Variants in TANGO6 observed in about 807,000 individuals in gnomAD.
TANGO6 encodes the protein transport and Golgi organization protein 6 homolog.
A neutral mutation model predicts 114.2 loss-of-function variants in TANGO6; 90 were observed. That is an observed-to-expected ratio of 0.79 (90% CI 0.66 to 0.94). The LOEUF is 0.94. TANGO6 is among the 40% of genes least tolerant of loss of function. The probability of loss-of-function intolerance (pLI) is 0.00; values close to 1 mark genes in which losing one functional copy is unlikely to be tolerated. For missense variants in TANGO6, 1,274 were observed against 1,315.3 expected (o/e 0.97, Z 0.49); for synonymous variants, 477 against 509.8 (o/e 0.94, Z 0.87).
rs145226838 is a variant in TANGO6, at chr16:69,070,746, A to ATATTATTATTAT, written c.3109-12710_3109-12699dup. 1.0e-3 allele frequency among the ~76,000 whole-genome samples: 147 copies of ATATTATTATTAT among 141,742 alleles called. 1 individual carries two copies. The highest frequency in any genetic ancestry group is 3.0e-3 in the African/African-American group (118 of 38,696). 93.0% of individuals were successfully genotyped at this position (141,742 alleles called of 152,430 possible). On this transcript the variant is annotated intron_variant, in intron 17 of 17. Coordinates refer to ENST00000261778, the MANE Select transcript of TANGO6 (RefSeq NM_024562.2). ...TAATTGCTATAGTTTGCAAGAATCA[A>ATATTATTATTAT]TATTATTATTATTATTATTATTATT...
intron 12 of TANGO6, among the ~76,000 whole-genome samples, chr16:68,926,724 C>T (rs1211702482): frequency 1.3e-5 from 2 of 151,602 alleles, no homozygotes; most frequent in African/African-American, 4.8e-5. Context: ...GGTGGGGTTT[C>T]GCCATGTTGG....
intron 1 of TANGO6, among the ~76,000 whole-genome samples, chr16:68,855,790 C>T (rs1961980325): frequency 6.6e-6 from 1 of 151,016 alleles, no homozygotes; most frequent in Admixed American, 6.6e-5. Flanking sequence ...GAGGCTGAGG[C>T]AGGAGAATCT....
intron 15 of TANGO6, among the ~76,000 whole-genome samples, chr16:68,993,787 C>T (rs987346785): frequency 6.6e-6 from 1 of 152,108 alleles, no homozygotes; most frequent in African/African-American, 2.4e-5. Context: ...AGACAGTCTC[C>T]GTCATTTAAA....
chr16:69,078,064 A>G (rs117896119), intron 17 of TANGO6, among the ~76,000 whole-genome samples: 4,705 of 152,300 alleles, frequency 0.031, 108 homozygotes, highest in Non-Finnish European at 0.041. Flanking sequence ...GGTTAGGGAA[A>G]GAATCCCGGA....
At position 68,868,310 on chromosome 16, in the gene TANGO6, T is replaced by C. The variant is rs148446116; in HGVS notation, c.994+1090T>C. On this transcript the variant is annotated intron_variant, in intron 4 of 17. Transcript: ENST00000261778. ...TGCTAAGCATGGTAGTAGTTTTTAA[T>C]TTATGTTTTTTATTTTTTAGAGAAA... Among the ~76,000 whole-genome samples, 10 of 152,116 alleles carry C rather than the reference T, an allele frequency of 6.6e-5. No individual in the cohort carries two copies. In the East Asian group the frequency reaches 1.7e-3, roughly 26 times the overall value.
At chr16:69,037,135 CAAAAAAAAA>C (rs1232986110) in intron 16 of TANGO6, among the ~76,000 whole-genome samples, 2 of 45,270 alleles carry the variant, frequency 4.4e-5, no homozygotes, top group Non-Finnish European at 9.0e-5. Context: ...GAGTCCATCT[CAAAAAAAAA>C]AAAAAAAAAA....
At chr16:69,018,115 A>G (rs1293348400) in intron 15 of TANGO6, among the ~76,000 whole-genome samples, 2 of 141,464 alleles carry the variant, frequency 1.4e-5, no homozygotes, top group African/African-American at 5.3e-5. Flanking sequence ...GGTGAGCCAC[A>G]CCATGCCCAG....
intron 14 of TANGO6, among the ~76,000 whole-genome samples, chr16:68,949,208 G>GAAAGAAAT (rs906505552): frequency 1.5e-3 from 227 of 152,278 alleles, no homozygotes; most frequent in African/African-American, 4.9e-3. Flanking sequence ...AAGAAAGAAA[G>GAAAGAAAT]AAGTCAATCC....
intron 15 of TANGO6, among the ~76,000 whole-genome samples, chr16:68,991,203 C>T (rs1419043310): frequency 1.3e-5 from 2 of 152,158 alleles, no homozygotes; most frequent in African/African-American, 2.4e-5. Flanking sequence ...GAGAGCTGAG[C>T]AGAGGAGTCT....
chr16:68,980,776 A>T (rs1038713226), intron 15 of TANGO6, among the ~76,000 whole-genome samples: 58 of 152,132 alleles, frequency 3.8e-4, no homozygotes, highest in Non-Finnish European at 5.9e-5. Flanking sequence ...AGGTGGGCGG[A>T]TCACAAGATC....
At chr16:68,887,180 C>G (rs1179550233) in intron 7 of TANGO6, among the ~76,000 whole-genome samples, 1 of 152,196 alleles carries the variant, frequency 6.6e-6, no homozygotes, top group Non-Finnish European at 1.5e-5. Flanking sequence ...CTGTTCCCAT[C>G]TTAGTCTGCT....
chr16:68,900,587 C>T (rs762077875), intron 8 of TANGO6, 41 bp downstream of exon 8: 24 of 1,448,214 alleles, frequency 1.7e-5, no homozygotes, highest in East Asian at 2.3e-5. Flanking sequence ...TAAATTGTGA[C>T]GTCTTTTTTG....
rs1347331888 is a variant in TANGO6, at chr16:68,859,904, C to G, written c.115C>G (p.Gln39Glu). The change falls in exon 2 of 18, where the codon CAG (glutamine) becomes GAG (glutamate). Residue 39 changes from glutamine (Q) to glutamate (E), a missense_variant. By Grantham distance (29) the Gln-to-Glu change is conservative (BLOSUM62 2). This residue lies in a region of TANGO6 where 114 missense variants were observed against 104.6 expected (regional missense o/e 1.09). Coordinates refer to ENST00000261778, the MANE Select transcript of TANGO6 (RefSeq NM_024562.2). ...AAAAGGCTCGGGCTCAAGTTCACTA[C>G]AGGTCACAAAACATGATGTCTTGTT... ...SPGGSGSSSLQVTKHDVLLAT... is the reference protein window; with the variant it reads ...SPGGSGSSSLEVTKHDVLLAT... 1 of 1,587,338 alleles carries G rather than the reference C, an allele frequency of 6.3e-7. No homozygotes were observed. The highest frequency in any genetic ancestry group is 1.2e-5 in the South Asian group (1 of 86,006).
intron 17 of TANGO6, among the ~76,000 whole-genome samples, chr16:69,061,740 G>A (rs984814421): frequency 1.3e-5 from 2 of 151,110 alleles, no homozygotes; most frequent in Non-Finnish European, 3.0e-5. Flanking sequence ...ATTTCCGGCC[G>A]GGCGCGCGGT....
At chr16:68,966,151 A>G (rs766473975) in intron 14 of TANGO6, among the ~76,000 whole-genome samples, 7 of 152,120 alleles carry the variant, frequency 4.6e-5, no homozygotes, top group Non-Finnish European at 1.0e-4. Context: ...ACTTGAGCCT[A>G]GGAAGTTGAA....
chr16:69,062,988 G>A (rs1960147163), intron 17 of TANGO6, among the ~76,000 whole-genome samples: 1 of 151,656 alleles, frequency 6.6e-6, no homozygotes. Context: ...AGAACTTTGG[G>A]AGGCCGAAAC....
In TANGO6 at chr16:69,067,192, T is replaced by C. The variant is rs531511406; in HGVS notation, c.3109-16293T>C. ...GATCATAGGTATGAGCTACTGTGCC[T>C]GGCCTACAAAAAAAATTTTTTTTTT... is the stretch of plus-strand genomic sequence containing the variant. On this transcript the variant is annotated intron_variant, in intron 17 of 17. Transcript: ENST00000261778. Among the ~76,000 whole-genome samples, 34 of 152,286 alleles carry C rather than the reference T, an allele frequency of 2.2e-4. No homozygotes were observed. In the East Asian group the frequency reaches 6.2e-3, roughly 28 times the overall value.
intron 14 of TANGO6, among the ~76,000 whole-genome samples, chr16:68,972,685 A>T (rs1963718982): frequency 6.6e-6 from 1 of 152,218 alleles, no homozygotes; most frequent in African/African-American, 2.4e-5. Flanking sequence ...TTTATTATAG[A>T]GTTCACATTC....
At chr16:68,905,572 C>T (rs1962839191) in intron 9 of TANGO6, among the ~76,000 whole-genome samples, 1 of 151,152 alleles carries the variant, frequency 6.6e-6, no homozygotes, top group African/African-American at 2.4e-5. Flanking sequence ...TAAGTACACA[C>T]ACAGGTGTAT....
Sources: allele counts gnomAD v4.1 joint callset (sites outside exome capture counted in the v4.1 genomes callset), GRCh38; gene constraint gnomAD v4.1.1; regional missense constraint gnomAD v4.1.1; transcripts MANE v1.5; gene names NCBI Gene and HGNC (gene_info 2026-07-23, HGNC 2026-07-21).